The following MANBA variants were observed in gnomAD, a reference collection of about 807,000 sequenced individuals.
MANBA encodes beta-mannosidase.
A neutral mutation model predicts 111.1 loss-of-function variants in MANBA; 83 were observed. The observed-to-expected ratio is 0.75, with a 90% CI of 0.63 to 0.90. The LOEUF (loss-of-function observed/expected upper bound fraction) is 0.90, where lower values mean the gene tolerates loss of function less well. MANBA is among the 40% of genes least tolerant of loss of function. The pLI is 0.00. For missense variants in MANBA, 1,036 were observed against 1,069.0 expected, an observed-to-expected ratio of 0.97 and a Z score of 0.43; for synonymous variants, 370 against 378.7, an observed-to-expected ratio of 0.98 and a Z score of 0.27.
intron 12 of MANBA, among the ~76,000 whole-genome samples, chr4:102,651,837 C>T (rs1323459322): frequency 6.6e-6 from 1 of 152,212 alleles, no homozygotes; most frequent in Admixed American, 6.5e-5. Flanking sequence ...ATGCTAACTA[C>T]TCCTATTATG....
intron 1 of MANBA, among the ~76,000 whole-genome samples, chr4:102,737,216 A>G (rs1723246933): frequency 6.6e-6 from 1 of 152,212 alleles, no homozygotes; most frequent in South Asian, 2.1e-4. Context: ...TTTCCTGAGC[A>G]GAATCCAGGA....
At chr4:102,703,988 G>A (rs968623753) in intron 5 of MANBA, among the ~76,000 whole-genome samples, 16 of 152,120 alleles carry the variant, frequency 1.1e-4, no homozygotes, top group Admixed American at 3.9e-4. Context: ...CCAGCTACTC[G>A]GGAGGCTAAG....
intron 7 of MANBA, among the ~76,000 whole-genome samples, chr4:102,676,756 T>C (rs1560767512): frequency 6.6e-6 from 1 of 152,194 alleles, no homozygotes; most frequent in Non-Finnish European, 1.5e-5. Flanking sequence ...AAGTACTAAA[T>C]AATTTTTTGA....
At chr4:102,637,689 G>C (rs1390325651) in intron 14 of MANBA, among the ~76,000 whole-genome samples, 2 of 152,190 alleles carry the variant, frequency 1.3e-5, no homozygotes, top group Non-Finnish European at 2.9e-5. Flanking sequence ...CAGCCTCACA[G>C]GGATAAAGTT....
intron 12 of MANBA, among the ~76,000 whole-genome samples, chr4:102,653,595 A>T (rs1420608529): frequency 6.6e-6 from 1 of 152,180 alleles, no homozygotes; most frequent in Non-Finnish European, 1.5e-5. Context: ...CACCTATTCA[A>T]ATTCTCAACT....
chr4:102,716,309 C>CAAAAAAAAAAAAAAAA (rs56345161), intron 4 of MANBA, among the ~76,000 whole-genome samples: 1 of 39,110 alleles, frequency 2.6e-5, no homozygotes, highest in Non-Finnish European at 5.0e-5. Context: ...AACTCAGTCT[C>CAAAAAAAAAAAAAAAA]AAAAAAAAAA....
At chr4:102,670,890 A>C (rs554232443) in intron 9 of MANBA, 1 of 155,768 alleles carries the variant, frequency 6.4e-6, no homozygotes, top group East Asian at 1.9e-4. Context: ...ATTAGAAAAA[A>C]TTTAGAAAAA....
chr4:102,716,917 A>G (rs1722359793), intron 4 of MANBA, among the ~76,000 whole-genome samples: 1 of 152,228 alleles, frequency 6.6e-6, no homozygotes, highest in African/African-American at 2.4e-5. Flanking sequence ...TATGGAGAAA[A>G]ACAAAGAACT....
In MANBA at chr4:102,754,455, T is replaced by C. The variant is rs190897619; in HGVS notation, c.177+6263A>G. On this transcript the variant is annotated intron_variant, in intron 1 of 16. Coordinates refer to ENST00000647097, the MANE Select transcript of MANBA (RefSeq NM_005908.4). Reference sequence around the variant, plus strand: ...TGATGGTAATTGTATATAACATAATTTTTAAAAAGCCACTAAACATGGTTT... The same window carrying C: ...TGATGGTAATTGTATATAACATAATCTTTAAAAAGCCACTAAACATGGTTT... Among the ~76,000 whole-genome samples the C allele has an allele frequency of 4.2e-3, 635 of 152,292 alleles. 2 individuals are homozygous for C. The highest frequency in any genetic ancestry group is 6.8e-3 in the Non-Finnish European group (465 of 68,010).
At chr4:102,640,514 A>T (rs1729833670) in intron 13 of MANBA, among the ~76,000 whole-genome samples, 1 of 152,202 alleles carries the variant, frequency 6.6e-6, no homozygotes, top group Non-Finnish European at 1.5e-5. Context: ...TTGATTACCG[A>T]CACCATCATG....
At position 102,640,379 on chromosome 4, in the gene MANBA, G is replaced by A. The variant is rs779155460; in HGVS notation, c.1870-522C>T. On this transcript the variant is annotated intron_variant, in intron 13 of 16. Transcript: ENST00000647097. ...CAATTGTTTTGATGTCATGATTTTT[G>A]GTAATGTAAGATTTCTCATGAATGC... 2.0e-5 allele frequency among the ~76,000 whole-genome samples: 3 copies of A among 152,040 alleles called. No individual in the cohort carries two copies. In the South Asian group the frequency reaches 6.2e-4, roughly 32 times the overall value.
At chr4:102,722,652 T>A in intron 4 of MANBA, 1 of 561,552 alleles carries the variant, frequency 1.8e-6, no homozygotes, top group Non-Finnish European at 3.2e-6. Context: ...ACCTAAGTTC[T>A]GAACACGCTT....
chr4:102,730,599 G>A (rs540645461), intron 1 of MANBA: 1 of 541,544 alleles, frequency 1.8e-6, no homozygotes, highest in Admixed American at 1.9e-5. Flanking sequence ...CACTCCCAAA[G>A]CCTGACAAGT....
At chr4:102,635,770 T>C (rs978216030) in intron 15 of MANBA, 95 bp downstream of exon 15, 2 of 1,327,046 alleles carry the variant, frequency 1.5e-6, no homozygotes, top group South Asian at 1.2e-5. Context: ...TCTAAATTAA[T>C]TTCTCTTTTA....
intron 1 of MANBA, chr4:102,730,593 C>G (rs1408804604): frequency 1.8e-6 from 1 of 541,028 alleles, no homozygotes; most frequent in Non-Finnish European, 3.7e-6. Context: ...GCTGCTCACT[C>G]CCAAAGCCTG....
intron 11 of MANBA, among the ~76,000 whole-genome samples, chr4:102,661,024 T>G (rs1275698047): frequency 6.6e-6 from 1 of 152,062 alleles, no homozygotes; most frequent in African/African-American, 2.4e-5. Context: ...ATGACCTGCT[T>G]CCAGTCTTCA....
intron 2 of MANBA, among the ~76,000 whole-genome samples, chr4:102,724,899 G>A (rs1489454823): frequency 6.6e-6 from 1 of 152,190 alleles, no homozygotes; most frequent in Non-Finnish European, 1.5e-5. Flanking sequence ...ACAATAAAAA[G>A]GAATGAAGTA....
At chr4:102,733,152 T>C (rs1000014032) in intron 1 of MANBA, among the ~76,000 whole-genome samples, 1 of 152,206 alleles carries the variant, frequency 6.6e-6, no homozygotes, top group Non-Finnish European at 1.5e-5. Flanking sequence ...GGATGTTAAA[T>C]AAAAATTACA....
chr4:102,662,651 C>A, intron 11 of MANBA: 2 of 159,180 alleles, frequency 1.3e-5, no homozygotes, highest in East Asian at 1.8e-4. Context: ...ACCTGATATT[C>A]TCTAGGCCTT....
Sources: allele counts gnomAD v4.1 joint callset (sites outside exome capture counted in the v4.1 genomes callset), GRCh38; gene constraint gnomAD v4.1.1; transcripts MANE v1.5; gene names NCBI Gene and HGNC (gene_info 2026-07-23, HGNC 2026-07-21).